Variants in ARMC9 observed in about 807,000 individuals in gnomAD.
The protein encoded by ARMC9 is armadillo repeat containing 9, also known as lisH domain-containing protein ARMC9.
In ARMC9, 94 loss-of-function variants were observed where a neutral mutation model predicts 107.0. That is an observed-to-expected ratio of 0.88 (90% CI 0.74 to 1.04). The LOEUF (loss-of-function observed/expected upper bound fraction) is 1.04, where lower values mean the gene tolerates loss of function less well. Among genes scored for constraint, ARMC9 ranks in the 50% least tolerant of loss-of-function variants. The pLI, the probability that ARMC9 is intolerant of heterozygous loss-of-function variation, is 0.00. For missense variants in ARMC9, 942 were observed against 1,030.1 expected (o/e 0.91, Z 1.17); for synonymous variants, 380 against 396.9 (o/e 0.96, Z 0.51).
chr2:231,325,555 G>T (rs1174858377), intron 19 of ARMC9, among the ~76,000 whole-genome samples: 2 of 152,124 alleles, frequency 1.3e-5, no homozygotes, highest in African/African-American at 4.8e-5. Context: ...CTGAGGCTCT[G>T]TCCCCTGGAG....
At chr2:231,290,161 C>T (rs1359720889) in intron 17 of ARMC9, among the ~76,000 whole-genome samples, 6 of 152,202 alleles carry the variant, frequency 3.9e-5, no homozygotes, top group African/African-American at 1.4e-4. Flanking sequence ...TTGTTATCCT[C>T]ATGTTTATAG....
rs1002098855 is a variant in ARMC9, at chr2:231,297,222, C to T, written c.1773+969C>T. On this transcript the variant is annotated intron_variant, in intron 19 of 24. Transcript: ENST00000611582. This position sits in a 1 kb window ranked among gnomAD's most constrained non-coding sequence, Gnocchi z 4.2. ...TTTCTTCACAGGCTGCAGGTGGCAT[C>T]AGCGGGTACGTGCTCCTGCTGGCTC... 6.6e-6 allele frequency among the ~76,000 whole-genome samples: 1 copy of T among 152,196 alleles called. No individual in the cohort carries two copies. The highest frequency in any genetic ancestry group is 2.4e-5 in the African/African-American group (1 of 41,436).
chr2:231,253,594 G>A (rs1341996010), intron 9 of ARMC9, among the ~76,000 whole-genome samples: 1 of 152,196 alleles, frequency 6.6e-6, no homozygotes, highest in Non-Finnish European at 1.5e-5. Context: ...GCTTCTCCAA[G>A]TTTATTGTGC....
chr2:231,339,331 GA>G (rs60261237), intron 20 of ARMC9, among the ~76,000 whole-genome samples: 4,826 of 132,290 alleles, frequency 0.036, 250 homozygotes, highest in African/African-American at 0.12. Flanking sequence ...TCTGTCTTGT[GA>G]AAAAAAAAAA....
intron 19 of ARMC9, among the ~76,000 whole-genome samples, chr2:231,317,981 C>G (rs1035046312): frequency 6.6e-6 from 1 of 151,606 alleles, no homozygotes; most frequent in African/African-American, 2.4e-5. Context: ...TCTACTAAAT[C>G]TAACATCTGG....
At chr2:231,290,948 T>C (rs2040944599) in intron 17 of ARMC9, among the ~76,000 whole-genome samples, 1 of 54,486 alleles carries the variant, frequency 1.8e-5, no homozygotes, top group Non-Finnish European at 3.0e-5. Context: ...AATTTTACAA[T>C]AGTTTTTTTT....
chr2:231,273,362 G>A (rs1234932991), intron 14 of ARMC9, among the ~76,000 whole-genome samples: 1 of 152,210 alleles, frequency 6.6e-6, no homozygotes, highest in Non-Finnish European at 1.5e-5. Flanking sequence ...GCAGGGCTTA[G>A]AGACAGACAC....
Position 231,239,971 on chromosome 2 carries a change from G to T in ARMC9, c.809G>T (p.Cys270Phe). The T allele has an allele frequency of 6.2e-7, 1 of 1,614,082 alleles. No homozygotes were observed. ...ACCCCTGAGTACCTCCAGAGCGTCTGTGTCCGCCTGTTCAGTAACCAGATG... is the reference window on the plus strand; with the variant it reads ...ACCCCTGAGTACCTCCAGAGCGTCTTTGTCCGCCTGTTCAGTAACCAGATG... ...MITPEYLQSV[C>F]VRLFSNQMRQ... Residue 270 changes from cysteine to phenylalanine, a missense_variant, in exon 9 of 25, where the codon TGT becomes TTT. Physicochemically the swap from Cys to Phe is radical, Grantham distance 205 (BLOSUM62 -2). Transcript: ENST00000611582.
intron 20 of ARMC9, among the ~76,000 whole-genome samples, chr2:231,335,856 G>A (rs879354349): frequency 3.9e-5 from 6 of 152,016 alleles, no homozygotes; most frequent in Non-Finnish European, 5.9e-5. Context: ...TGGGAGGATC[G>A]CTTGAGCTCA....
chr2:231,216,909 G>C (rs1324740093), intron 5 of ARMC9, 116 bp downstream of exon 5: 15 of 1,250,922 alleles, frequency 1.2e-5, no homozygotes, highest in Non-Finnish European at 1.4e-5. Flanking sequence ...GCTTACATTA[G>C]TATTATTTTT....
At chr2:231,363,271 G>A (rs1196080008) in intron 23 of ARMC9, among the ~76,000 whole-genome samples, 1 of 152,228 alleles carries the variant, frequency 6.6e-6, no homozygotes, top group Admixed American at 6.5e-5. Context: ...CTTTGGTGGG[G>A]AACGTTTGTC....
At chr2:231,341,839 C>T (rs944687844) in intron 20 of ARMC9, among the ~76,000 whole-genome samples, 3 of 152,112 alleles carry the variant, frequency 2.0e-5, no homozygotes, top group African/African-American at 7.2e-5. Flanking sequence ...ATAATATGCT[C>T]TTTTTTTATT....
chr2:231,289,493 A>G (rs949366904), intron 17 of ARMC9, among the ~76,000 whole-genome samples: 28 of 152,206 alleles, frequency 1.8e-4, no homozygotes, highest in African/African-American at 6.5e-4. Flanking sequence ...AAAATTTTTA[A>G]AAGGGGCTTA....
chr2:231,297,140 A>G lies in ARMC9; in HGVS notation c.1773+887A>G, dbSNP rs2041428530. ...TATTTAAGAGCCCCTGCCAGAGAGG[A>G]TCTGCTAAGATCTGCTGGGAGATGC... On this transcript the variant is annotated intron_variant, in intron 19 of 24. Coordinates refer to ENST00000611582, the MANE Select transcript of ARMC9 (RefSeq NM_001352754.2). The surrounding 1 kb of genome is among the most constrained non-coding windows in gnomAD (Gnocchi z 4.2). Among the ~76,000 whole-genome samples, 1 of 152,114 alleles carries G rather than the reference A, an allele frequency of 6.6e-6. No individual in the cohort carries two copies. The highest frequency in any genetic ancestry group is 2.4e-5 in the African/African-American group (1 of 41,416).
chr2:231,207,364 T>A (rs1291443734), intron 2 of ARMC9, among the ~76,000 whole-genome samples: 1 of 152,224 alleles, frequency 6.6e-6, no homozygotes, highest in Non-Finnish European at 1.5e-5. Context: ...CTCGCTTTGT[T>A]GCCCAGGCTG....
intron 14 of ARMC9, among the ~76,000 whole-genome samples, chr2:231,276,274 CTTTT>C (rs577847028): frequency 7.0e-6 from 1 of 143,280 alleles, no homozygotes. Flanking sequence ...ACTGTTTCTT[CTTTT>C]TTTTTTTTTT....
chr2:231,345,154 G>A, intron 21 of ARMC9, 64 bp downstream of exon 21: 1 of 1,571,466 alleles, frequency 6.4e-7, no homozygotes, highest in Non-Finnish European at 8.6e-7. Context: ...TACAGTGTAA[G>A]ATGTATGTAT....
chr2:231,325,202 G>A (rs1313966594), intron 19 of ARMC9, among the ~76,000 whole-genome samples: 1 of 151,972 alleles, frequency 6.6e-6, no homozygotes, highest in Non-Finnish European at 1.5e-5. Flanking sequence ...TTCCAGCATG[G>A]GAGACAGAGC....
intron 9 of ARMC9, among the ~76,000 whole-genome samples, chr2:231,242,707 A>G (rs957833606): frequency 2.6e-5 from 4 of 152,176 alleles, no homozygotes; most frequent in African/African-American, 9.7e-5. Context: ...TTAATTCATC[A>G]AAGACTTAGT....
Sources: allele counts gnomAD v4.1 joint callset (sites outside exome capture counted in the v4.1 genomes callset), GRCh38; gene constraint gnomAD v4.1.1; non-coding constraint Gnocchi (gnomAD v3.1); transcripts MANE v1.5; gene names NCBI Gene and HGNC (gene_info 2026-07-23, HGNC 2026-07-21).